Variants in RXRG observed in about 807,000 individuals in gnomAD.
RXRG encodes the protein retinoid X receptor gamma, also known as retinoic acid receptor RXR-gamma.
RXRG carries 19 observed loss-of-function variants against 49.2 expected under a neutral mutation model. The observed-to-expected ratio is 0.39, with a 90% CI of 0.27 to 0.57. The LOEUF (loss-of-function observed/expected upper bound fraction) is 0.57, where lower values mean the gene tolerates loss of function less well. Ranked by LOEUF, RXRG falls within the 20% of genes least tolerant of loss-of-function variation. The probability of loss-of-function intolerance (pLI) is 0.64; values close to 1 mark genes in which losing one functional copy is unlikely to be tolerated. For missense variants in RXRG, 452 were observed against 592.5 expected (o/e 0.76, Z 2.46); for synonymous variants, 224 against 216.6 (o/e 1.03, Z -0.30).
chr1:165,409,733 TTC>T, intron 6 of RXRG, 43 bp from the exon 7 acceptor site: 5 of 1,408,002 alleles, frequency 3.6e-6, no homozygotes, highest in Non-Finnish European at 4.7e-6. Flanking sequence ...ACAGAACACA[TTC>T]TTTCTTTACT....
intron 2 of RXRG, among the ~76,000 whole-genome samples, chr1:165,426,714 A>T (rs1483397367): frequency 1.3e-5 from 2 of 152,206 alleles, no homozygotes; most frequent in African/African-American, 4.8e-5. Flanking sequence ...AGTGATCTCC[A>T]GAGAAACAGA....
rs764214872 is a variant in RXRG, at chr1:165,411,031, A to C, written c.701T>G (p.Met234Arg). Residue 234 changes from methionine (M) to arginine (R), a missense_variant, in exon 5 of 10, where the codon ATG (methionine) becomes AGG (arginine). Met to Arg is a moderately conservative substitution (Grantham distance 91, BLOSUM62 -1). This residue lies in a region of RXRG where 286 missense variants were observed against 440.9 expected (regional missense o/e 0.65). Transcript: ENST00000359842. Reference sequence around the variant, plus strand: ...AGCTTCTAGAATCCTCTCCACAGGCATGTCTTCATGACCACTGGTAGCACA... The same window carrying C: ...AGCTTCTAGAATCCTCTCCACAGGCCTGTCTTCATGACCACTGGTAGCACA... ...AECATSGHED[M>R]PVERILEAEL... 1 of 1,614,108 alleles carries C rather than the reference A, an allele frequency of 6.2e-7. No individual in the cohort carries two copies. Among genetic ancestry groups the C allele is most frequent in the Admixed American group, 1.7e-5 (1 of 60,028 alleles).
At chr1:165,413,317 G>A (rs17469611) in intron 4 of RXRG, among the ~76,000 whole-genome samples, 21,547 of 152,128 alleles carry the variant, frequency 0.14, 1,715 homozygotes, top group Middle Eastern at 0.24. Flanking sequence ...TCCAACACGT[G>A]TTTATTTCGC....
In RXRG at chr1:165,408,423, A is replaced by T. The variant is rs1019155038; in HGVS notation, c.1047-105T>A. On this transcript the variant is annotated intron_variant, in intron 7 of 9. Coordinates refer to ENST00000359842, the MANE Select transcript of RXRG (RefSeq NM_006917.5). The stretch of plus-strand genomic sequence containing the variant: ...TTTTATAAGCCCACTCTGTTTCCAG[A>T]TGATGTACCAGTTACTAGGGGTACA... 39 of 772,722 alleles carry T rather than the reference A, an allele frequency of 5.0e-5. No individual in the cohort carries two copies. In the African/African-American group the frequency reaches 6.1e-4, roughly 12 times the overall value. The allele number at this position is 772,722 out of a possible 1,614,324, so 47.9% of individuals were successfully genotyped here. A position where few individuals can be genotyped will look rare whatever the true frequency, so the allele number is the denominator to read the frequency against.
chr1:165,440,394 A>G (rs1005558639), intron 1 of RXRG, among the ~76,000 whole-genome samples: 7 of 152,202 alleles, frequency 4.6e-5, no homozygotes, highest in Admixed American at 4.6e-4. Context: ...GCTTAGCACC[A>G]GAAGTGTTTT....
chr1:165,418,398 A>T (rs555869458), intron 3 of RXRG, among the ~76,000 whole-genome samples: 29 of 152,190 alleles, frequency 1.9e-4, no homozygotes, highest in Non-Finnish European at 3.5e-4. Context: ...CATTCAAAAC[A>T]TATTTGTGTC....
chr1:165,403,761 T>G (rs920079062), intron 9 of RXRG, among the ~76,000 whole-genome samples: 1 of 152,248 alleles, frequency 6.6e-6, no homozygotes. Context: ...TTAAAAAATT[T>G]TTTTAACTCT....
At chr1:165,409,841 T>C in intron 6 of RXRG, 151 bp from the exon 7 acceptor site, 1 of 720,468 alleles carries the variant, frequency 1.4e-6, no homozygotes, top group Non-Finnish European at 1.9e-6. Context: ...ACACAGTTCA[T>C]TAGCGAAGAA....
intron 7 of RXRG, among the ~76,000 whole-genome samples, chr1:165,409,270 T>C (rs1657857211): frequency 6.6e-6 from 1 of 152,200 alleles, no homozygotes; most frequent in African/African-American, 2.4e-5. Context: ...GAATAGGTTC[T>C]CCCAACTGCC....
At chr1:165,411,854 C>G (rs1406754723) in intron 4 of RXRG, among the ~76,000 whole-genome samples, 2 of 152,148 alleles carry the variant, frequency 1.3e-5, no homozygotes, top group African/African-American at 4.8e-5. Flanking sequence ...GACTGCTGCC[C>G]CCTCCAATTC....
intron 2 of RXRG, chr1:165,424,934 G>A: frequency 3.0e-6 from 3 of 985,556 alleles, no homozygotes; most frequent in South Asian, 4.7e-5. Flanking sequence ...CATTGCTGCA[G>A]TGTGGTTCCG....
chr1:165,417,362 A>G (rs1339586765), intron 3 of RXRG, 142 bp from the exon 4 acceptor site: 22 of 685,878 alleles, frequency 3.2e-5, no homozygotes, highest in Non-Finnish European at 5.3e-5. Context: ...TCACTAGCAG[A>G]GAATGCAGGC....
At chr1:165,402,534 A>G (rs1657612651) in intron 9 of RXRG, among the ~76,000 whole-genome samples, 1 of 146,204 alleles carries the variant, frequency 6.8e-6, no homozygotes, top group African/African-American at 2.7e-5. Flanking sequence ...TGACCCACAC[A>G]TTATCCTACA....
Position 165,444,838 on chromosome 1 carries a change from T to C in RXRG, c.49+7A>G, listed in dbSNP as rs376884456. On this transcript the variant is annotated splice_region_variant and intron_variant, in intron 1 of 9. Transcript: ENST00000359842. ...TCCACGCAGTGAAGCCCAAGGGAGA[T>C]ACTTACCTCCATAGCCTGCGGGAAA... 1.7e-4 allele frequency: 271 copies of C among 1,613,774 alleles called. No individual in the cohort carries two copies. Among genetic ancestry groups the C allele is most frequent in the Middle Eastern group, 3.3e-4 (2 of 6,084 alleles).
At position 165,424,059 on chromosome 1, in the gene RXRG, C is replaced by T. The variant is rs1272690913; in HGVS notation, c.298-4045G>A. On this transcript the variant is annotated intron_variant, in intron 2 of 9. Coordinates refer to ENST00000359842, the MANE Select transcript of RXRG (RefSeq NM_006917.5). ...TTGCAAAGATCTGTGAGGCCCATTCCGGAGTCCAGCCAGCAGACATCATGC... is the reference window on the plus strand; with the variant it reads ...TTGCAAAGATCTGTGAGGCCCATTCTGGAGTCCAGCCAGCAGACATCATGC... Among the ~76,000 whole-genome samples the T allele has an allele frequency of 2.0e-5, 3 of 152,242 alleles. No homozygotes were observed. The South Asian group carries it at 6.2e-4, about 32-fold the overall frequency.
intron 2 of RXRG, among the ~76,000 whole-genome samples, chr1:165,426,430 G>C (rs517456): frequency 0.21 from 32,531 of 151,924 alleles, 4,166 homozygotes; most frequent in African/African-American, 0.36. Context: ...ACCTGACTGG[G>C]CCCAGCTCCT....
chr1:165,419,408 T>C (rs563993748), intron 3 of RXRG, among the ~76,000 whole-genome samples: 1 of 152,116 alleles, frequency 6.6e-6, no homozygotes, highest in Admixed American at 6.5e-5. Context: ...TTTTTTTTTT[T>C]GAGATGGAGT....
intron 2 of RXRG, among the ~76,000 whole-genome samples, chr1:165,423,047 C>T (rs2101727764): frequency 6.6e-6 from 1 of 152,312 alleles, no homozygotes; most frequent in Non-Finnish European, 1.5e-5. Flanking sequence ...GCCAGCAGCC[C>T]CTCTCCAACA....
chr1:165,443,305 G>A (rs1659061052), intron 1 of RXRG, among the ~76,000 whole-genome samples: 1 of 152,174 alleles, frequency 6.6e-6, no homozygotes, highest in South Asian at 2.1e-4. Flanking sequence ...AAATGAGCAT[G>A]CACCTCTTAC....
Sources: gnomAD v4.1 joint callset for allele counts (sites outside exome capture counted in the v4.1 genomes callset) on GRCh38, gnomAD v4.1.1 for gene constraint, gnomAD v4.1.1 regional missense constraint, MANE v1.5 for transcripts, NCBI Gene and HGNC (gene_info 2026-07-23, HGNC 2026-07-21) for gene names.